Variants in ENOX2 observed in about 807,000 individuals in gnomAD.
The protein encoded by ENOX2 is ecto-NOX disulfide-thiol exchanger 2, also known as APK1 antigen.
A neutral mutation model predicts 45.0 loss-of-function variants in ENOX2; 36 were observed. That is an observed-to-expected ratio of 0.80 (90% CI 0.61 to 1.06). The LOEUF is 1.06. Ranked by LOEUF, ENOX2 falls within the 50% of genes least tolerant of loss-of-function variation. The probability of loss-of-function intolerance (pLI) is 0.00; values close to 1 mark genes in which losing one functional copy is unlikely to be tolerated. For synonymous variants in ENOX2, 174 were observed against 152.3 expected (o/e 1.14, Z -1.05); for missense variants, 423 against 462.5 (o/e 0.91, Z 0.78).
intron 6 of ENOX2, among the ~76,000 whole-genome samples, chrX:130,675,353 T>C (rs1035822149): frequency 8.9e-6 from 1 of 112,327 alleles, no homozygotes; most frequent in Non-Finnish European, 1.9e-5. Flanking sequence ...TTGATTTAAA[T>C]ATCTCAAAAG....
At chrX:130,680,557 G>C (rs1231071474) in intron 5 of ENOX2, among the ~76,000 whole-genome samples, 1 of 112,031 alleles carries the variant, frequency 8.9e-6, no homozygotes, top group Non-Finnish European at 1.9e-5. Flanking sequence ...TAAACATAAA[G>C]CCTGTTCTAT....
chrX:130,633,839 G>A (rs191032235), intron 12 of ENOX2, among the ~76,000 whole-genome samples: 1 of 112,456 alleles, frequency 8.9e-6, no homozygotes, highest in Non-Finnish European at 1.9e-5. Flanking sequence ...CCGATGGCAT[G>A]AGGAAAGTCC....
At chrX:130,727,863 A>G (rs1333734334) in intron 3 of ENOX2, among the ~76,000 whole-genome samples, 1 of 112,057 alleles carries the variant, frequency 8.9e-6, no homozygotes, top group Non-Finnish European at 1.9e-5. Context: ...GGGCTAGGCA[A>G]TAACACTATT....
In ENOX2 at chrX:130,772,684, A is replaced by C. The variant is rs567697672; in HGVS notation, c.-39+10863T>G. 6.4e-4 allele frequency among the ~76,000 whole-genome samples: 72 copies of C among 112,265 alleles called. 2 individuals are homozygous for C. In the South Asian group the frequency reaches 0.026, roughly 40 times the overall value. On this transcript the variant is annotated intron_variant, in intron 3 of 14. Transcript: ENST00000394363. ...CAATCTCCAGGAACTAATCTTGGGC[A>C]AAGATGGGATGTTTTCAACTTGATC...
At chrX:130,802,425 A>G (rs988579144) in intron 2 of ENOX2, among the ~76,000 whole-genome samples, 12 of 112,514 alleles carry the variant, frequency 1.1e-4, no homozygotes, top group African/African-American at 3.9e-4. Flanking sequence ...GTTTAGTGCT[A>G]TGACTAAACA....
intron 2 of ENOX2, among the ~76,000 whole-genome samples, chrX:130,836,774 T>G (rs1284105881): frequency 8.9e-6 from 1 of 111,987 alleles, no homozygotes; most frequent in Non-Finnish European, 1.9e-5. Context: ...AGAGCTAATT[T>G]TTCTCATGAA....
chrX:130,647,159 C>T (rs1217634443), intron 10 of ENOX2, among the ~76,000 whole-genome samples: 2 of 111,924 alleles, frequency 1.8e-5, no homozygotes, highest in Non-Finnish European at 3.8e-5. Context: ...TTTTCTTTTG[C>T]CACTTAAAAT....
intron 10 of ENOX2, among the ~76,000 whole-genome samples, chrX:130,641,692 G>C (rs1044547331): frequency 5.9e-4 from 59 of 99,316 alleles, no homozygotes; most frequent in African/African-American, 2.0e-3. Context: ...ACTCCATCCT[G>C]GGCAACAAGA....
At chrX:130,717,081 G>A (rs1484119774) in intron 3 of ENOX2, among the ~76,000 whole-genome samples, 1 of 112,234 alleles carries the variant, frequency 8.9e-6, no homozygotes, top group Non-Finnish European at 1.9e-5. Flanking sequence ...TACAAAGGGT[G>A]AATTCCCTGT....
Position 130,703,181 on chromosome X carries a change from G to A in ENOX2, c.36C>T (p.Ala12=). The change falls in exon 4 of 15, where the codon GCC becomes GCT. Residue 12 remains alanine (A), a synonymous_variant. Coordinates refer to ENST00000394363, the MANE Select transcript of ENOX2 (RefSeq NM_006375.4). Reference sequence around the variant, plus strand: ...CCATTCCAAGATTATTCATTGCTGTGGCCCATGCAGTTGGATCAGACATAG... The same window carrying A: ...CCATTCCAAGATTATTCATTGCTGTAGCCCATGCAGTTGGATCAGACATAG... The part of the protein sequence containing the change: ...TLPMSDPTAW[A]TAMNNLGMAP... 1 of 1,207,756 alleles carries A rather than the reference G, an allele frequency of 8.3e-7. No individual in the cohort carries two copies. The highest frequency in any genetic ancestry group is 1.1e-6 in the Non-Finnish European group (1 of 892,173).
At chrX:130,736,358 C>CAA (rs373978092) in intron 3 of ENOX2, among the ~76,000 whole-genome samples, 2 of 94,986 alleles carry the variant, frequency 2.1e-5, no homozygotes, top group Admixed American at 1.1e-4. Context: ...GACTCCATCT[C>CAA]AAAAAAAAAA....
chrX:130,710,128 T>C lies in ENOX2; in HGVS notation c.-38-6874A>G, dbSNP rs72614150. 8.5e-4 allele frequency among the ~76,000 whole-genome samples: 96 copies of C among 112,427 alleles called. No homozygotes were observed. The East Asian group carries it at 0.025, about 29-fold the overall frequency. The stretch of plus-strand genomic sequence containing the variant: ...ACTGTTCTAGGCACTTTATGTATAT[T>C]AATTTAAAATTCACAACAATCCTAT... On this transcript the variant is annotated intron_variant, in intron 3 of 14. Coordinates refer to ENST00000394363, the MANE Select transcript of ENOX2 (RefSeq NM_006375.4).
chrX:130,829,947 A>G (rs902771281), intron 2 of ENOX2, among the ~76,000 whole-genome samples: 1 of 111,869 alleles, frequency 8.9e-6, no homozygotes, highest in Non-Finnish European at 1.9e-5. Flanking sequence ...AGAGTTAAGA[A>G]GAACCTTAAA....
At chrX:130,744,803 G>A (rs942443440) in intron 3 of ENOX2, among the ~76,000 whole-genome samples, 2 of 111,252 alleles carry the variant, frequency 1.8e-5, no homozygotes, top group Admixed American at 1.9e-4. Flanking sequence ...GACTGGTACC[G>A]GTCCGTGGCC....
chrX:130,846,399 A>T (rs1210376345), intron 2 of ENOX2, among the ~76,000 whole-genome samples: 1 of 107,154 alleles, frequency 9.3e-6, no homozygotes, highest in Non-Finnish European at 1.9e-5. Flanking sequence ...GTGCAATGGC[A>T]TGATCTCGGC....
intron 2 of ENOX2, among the ~76,000 whole-genome samples, chrX:130,822,443 T>G (rs2077634393): frequency 8.9e-6 from 1 of 112,211 alleles, no homozygotes; most frequent in African/African-American, 3.2e-5. Flanking sequence ...AATACAGTGT[T>G]CAATAAATTG....
At position 130,628,024 on chromosome X, in the gene ENOX2, A is replaced by T. The variant is rs1569475404; in HGVS notation, c.1548T>A (p.Leu516=). ...TGCTTGCTCCAAATGGGTGAACATG[A>T]AGGAATGTGGAGATAATCCCTACAG... ...ALLVGIISTF[L]HVHPFGASIE... is the part of the protein sequence containing the mutation. The change falls in exon 14 of 15, where the codon CTT becomes CTA. Residue 516 remains leucine, a synonymous_variant. Transcript: ENST00000394363. The T allele has an allele frequency of 1.7e-6, 2 of 1,198,859 alleles. No homozygotes were observed. Among genetic ancestry groups the T allele is most frequent in the Non-Finnish European group, 2.3e-6 (2 of 883,599 alleles).
rs1244121835 is a variant in ENOX2 at position 130,669,982 on chromosome X, A to G, written c.677T>C (p.Val226Ala). 8.3e-7 allele frequency: 1 copy of G among 1,204,507 alleles called. No individual in the cohort carries two copies. Among genetic ancestry groups the G allele is most frequent in the Non-Finnish European group, 1.1e-6 (1 of 888,632 alleles). The stretch of plus-strand genomic sequence containing the variant: ...TTTGATACCTTTTAATTTTTCAGCA[A>G]CAATGCTGCATTCATGATCTGAATA... ...VHYSDHECSIVAEKLKDDSKF... is the reference protein window; with the variant it reads ...VHYSDHECSIAAEKLKDDSKF... The change falls in exon 7 of 15, where the codon GTT becomes GCT. Residue 226 changes from valine to alanine, a missense_variant. Physicochemically the swap from Val to Ala is moderately conservative, Grantham distance 64. Around this residue, in one of 5 missense-constraint regions of ENOX2, gnomAD observed 261 missense variants for 306.8 expected, o/e 0.85. Transcript: ENST00000394363.
chrX:130,894,884 G>A (rs1232402071), intron 2 of ENOX2, among the ~76,000 whole-genome samples: 1 of 111,655 alleles, frequency 9.0e-6, no homozygotes, highest in Non-Finnish European at 1.9e-5. Context: ...TGGTCCCTCT[G>A]CCTGGAATCC....
Sources: gnomAD v4.1 joint callset for allele counts (sites outside exome capture counted in the v4.1 genomes callset) on GRCh38, gnomAD v4.1.1 for gene constraint, gnomAD v4.1.1 regional missense constraint, MANE v1.5 for transcripts, NCBI Gene and HGNC (gene_info 2026-07-23, HGNC 2026-07-21) for gene names.